The following RNF150 variants were observed in gnomAD, a reference collection of about 807,000 sequenced individuals.
RNF150 encodes the protein ring finger protein 150.
A neutral mutation model predicts 39.3 loss-of-function variants in RNF150; 24 were observed. That is an observed-to-expected ratio of 0.61 (90% CI 0.44 to 0.86). RNF150 has a LOEUF of 0.86. Ranked by LOEUF, RNF150 falls within the 40% of genes least tolerant of loss-of-function variation. RNF150 has a pLI of 0.00. For missense variants in RNF150, 502 were observed against 587.8 expected (o/e 0.85, Z 1.51); for synonymous variants, 255 against 227.3 (o/e 1.12, Z -1.10).
intron 1 of RNF150, among the ~76,000 whole-genome samples, chr4:141,194,595 G>A (rs886641399): frequency 3.3e-5 from 5 of 152,106 alleles, no homozygotes; most frequent in African/African-American, 1.2e-4. Context: ...TACAACTGCA[G>A]GCTCTTTCAG....
intron 6 of RNF150, among the ~76,000 whole-genome samples, chr4:140,907,317 C>T (rs1396157881): frequency 6.6e-6 from 1 of 152,168 alleles, no homozygotes; most frequent in African/African-American, 2.4e-5. Flanking sequence ...GATGAAATGT[C>T]AGAAACATTA....
chr4:140,908,785 A>G (rs1730487102), intron 6 of RNF150, among the ~76,000 whole-genome samples: 1 of 152,110 alleles, frequency 6.6e-6, no homozygotes, highest in African/African-American at 2.4e-5. Context: ...TTTGGATGTA[A>G]TTTAACCCAC....
intron 1 of RNF150, among the ~76,000 whole-genome samples, chr4:141,039,257 G>A (rs945558258): frequency 3.5e-4 from 54 of 152,142 alleles, no homozygotes; most frequent in African/African-American, 1.3e-3. Flanking sequence ...TTGGTATGGA[G>A]TAAGTGATAA....
rs536924722 is a variant in RNF150, at chr4:141,122,141, G to A, written c.484+10184C>T. The stretch of plus-strand genomic sequence containing the variant: ...AGAGGAGGGAAGTGACTTGCCAACC[G>A]AAAAGCCAATTTGAGAGAGAGCCAC... On this transcript the variant is annotated intron_variant, in intron 1 of 6. Coordinates refer to ENST00000515673, the MANE Select transcript of RNF150 (RefSeq NM_020724.2). Among the ~76,000 whole-genome samples the A allele has an allele frequency of 1.6e-3, 248 of 152,280 alleles. 1 individual carries two copies. Among genetic ancestry groups the A allele is most frequent in the South Asian group, 3.5e-3 (17 of 4,826 alleles).
intron 6 of RNF150, among the ~76,000 whole-genome samples, chr4:140,879,171 G>C (rs1265473284): frequency 6.6e-6 from 1 of 152,142 alleles, no homozygotes; most frequent in East Asian, 1.9e-4. Flanking sequence ...AAATTAGGAA[G>C]TGTGAGGCCT....
At chr4:140,880,068 T>G (rs1005242871) in intron 6 of RNF150, among the ~76,000 whole-genome samples, 4 of 150,598 alleles carry the variant, frequency 2.7e-5, no homozygotes, top group Admixed American at 6.7e-5. Flanking sequence ...AGCATTCTTG[T>G]CTTGTTCCTG....
chr4:140,921,293 C>T (rs1418912060), intron 5 of RNF150, among the ~76,000 whole-genome samples: 6 of 151,524 alleles, frequency 4.0e-5, no homozygotes, highest in Non-Finnish European at 8.8e-5. Context: ...GATATCACCA[C>T]CGATCCCACA....
intron 6 of RNF150, among the ~76,000 whole-genome samples, chr4:140,872,446 A>AT (rs1182776572): frequency 6.6e-6 from 1 of 152,176 alleles, no homozygotes; most frequent in African/African-American, 2.4e-5. Context: ...ACATTGAGAG[A>AT]TTTAAACAGG....
chr4:140,868,376 T>G lies in RNF150; in HGVS notation c.1202A>C (p.Glu401Ala). 9.4e-6 allele frequency: 15 copies of G among 1,598,594 alleles called. No individual in the cohort carries two copies. Among genetic ancestry groups the G allele is most frequent in the Non-Finnish European group, 1.3e-5 (15 of 1,165,832 alleles). Residue 401 changes from glutamate (E) to alanine (A), a missense_variant, in exon 7 of 7, where the codon GAG becomes GCG. Glu to Ala is a moderately radical substitution (Grantham distance 107). Transcript: ENST00000515673. ...EGDVIFTTNS[E>A]QEPAVSSDSD... is the part of the protein sequence containing the mutation. ...ATCACTGCTTACAGCTGGCTCCTGCTCACCTGGGAGGAGAAAGCAAAGTTC... is the reference window on the plus strand; with the variant it reads ...ATCACTGCTTACAGCTGGCTCCTGCGCACCTGGGAGGAGAAAGCAAAGTTC...
intron 1 of RNF150, among the ~76,000 whole-genome samples, chr4:141,005,518 G>C (rs58981627): frequency 0.076 from 11,543 of 152,220 alleles, 493 homozygotes; most frequent in Middle Eastern, 0.16. Context: ...CCTGCTAAGA[G>C]AGAAAGCATT....
chr4:141,121,213 C>A (rs563895802), intron 1 of RNF150, among the ~76,000 whole-genome samples: 1 of 152,226 alleles, frequency 6.6e-6, no homozygotes, highest in African/African-American at 2.4e-5. Context: ...GCTCCCAGAC[C>A]CTCTCTGCCC....
intron 1 of RNF150, among the ~76,000 whole-genome samples, chr4:141,128,551 T>C (rs1349662555): frequency 6.6e-6 from 1 of 152,124 alleles, no homozygotes; most frequent in East Asian, 1.9e-4. Flanking sequence ...GTAATTTGAG[T>C]CTCACTGCCT....
chr4:141,164,611 C>CAG (rs1300348621), intron 1 of RNF150, among the ~76,000 whole-genome samples: 2 of 152,146 alleles, frequency 1.3e-5, no homozygotes, highest in Non-Finnish European at 2.9e-5. Context: ...ATCTCTGAGC[C>CAG]AGAAACCCTA....
chr4:140,981,141 A>G (rs1360665165), intron 1 of RNF150, among the ~76,000 whole-genome samples: 2 of 152,148 alleles, frequency 1.3e-5, no homozygotes, highest in East Asian at 3.9e-4. Context: ...TAGTAAGATG[A>G]CGTATACTAT....
rs1226430440 is a variant in RNF150, at chr4:140,865,073, G to T, written c.*3188C>A. The T allele has an allele frequency of 6.6e-6, 1 of 152,126 alleles. No homozygotes were observed. Among genetic ancestry groups the T allele is most frequent in the African/African-American group, 2.4e-5 (1 of 41,424 alleles). The allele number at this position is 152,126 out of a possible 1,614,324, so 9.4% of individuals were successfully genotyped here. ...ACTGGAGGAACTCTAGACCTGCATT[G>T]TCCAATTGGCAGCCACTAGCCACAT... On this transcript the variant is annotated 3_prime_UTR_variant, in exon 7 of 7. Coordinates refer to ENST00000515673, the MANE Select transcript of RNF150 (RefSeq NM_020724.2).
At chr4:141,054,231 T>C (rs1464547248) in intron 1 of RNF150, among the ~76,000 whole-genome samples, 1 of 152,186 alleles carries the variant, frequency 6.6e-6, no homozygotes, top group East Asian at 1.9e-4. Flanking sequence ...AGTACTTAAA[T>C]GTCTGCATAA....
chr4:140,904,072 C>G (rs918626113), intron 6 of RNF150, among the ~76,000 whole-genome samples: 1 of 152,140 alleles, frequency 6.6e-6, no homozygotes, highest in Non-Finnish European at 1.5e-5. Flanking sequence ...ATCTGCGAAG[C>G]TTGACGATGA....
upstream of RNF150, among the ~76,000 whole-genome samples, chr4:141,136,578 C>T (rs1261303323): frequency 2.6e-5 from 4 of 152,002 alleles, no homozygotes; most frequent in Non-Finnish European, 4.4e-5. Context: ...GAGCAATGAG[C>T]GCTTGCTATA....
chr4:140,891,884 G>C (rs929398050), intron 6 of RNF150, among the ~76,000 whole-genome samples: 8 of 152,156 alleles, frequency 5.3e-5, no homozygotes, highest in African/African-American at 1.9e-4. Flanking sequence ...TGCATATGAG[G>C]GATCTAGGCT....
Sources: gnomAD v4.1 joint callset for allele counts (sites outside exome capture counted in the v4.1 genomes callset) on GRCh38, gnomAD v4.1.1 for gene constraint, MANE v1.5 for transcripts, NCBI Gene and HGNC (gene_info 2026-07-23, HGNC 2026-07-21) for gene names.